The following DDX21 variants were observed in gnomAD, a reference collection of about 807,000 sequenced individuals.
DDX21 encodes DExD-box helicase 21.
DDX21 carries 18 observed loss-of-function variants against 90.0 expected under a neutral mutation model. That is an observed-to-expected ratio of 0.20 (90% CI 0.14 to 0.30). The LOEUF is 0.30. Ranked by LOEUF, DDX21 falls within the 10% of genes least tolerant of loss-of-function variation. The pLI is 1.00. For synonymous variants in DDX21, 294 were observed against 318.0 expected, an observed-to-expected ratio of 0.92 and a Z score of 0.80; for missense variants, 673 against 944.5, an observed-to-expected ratio of 0.71 and a Z score of 3.77.
At chr10:68,973,199 GA>G (rs550091312) in intron 9 of DDX21, among the ~76,000 whole-genome samples, 2 of 142,930 alleles carry the variant, frequency 1.4e-5, no homozygotes, top group African/African-American at 2.6e-5. Context: ...TGTCTCAAAA[GA>G]AAAAAAAAAG....
intron 4 of DDX21, among the ~76,000 whole-genome samples, chr10:68,965,113 C>T (rs1447060154): frequency 6.6e-6 from 1 of 152,142 alleles, no homozygotes; most frequent in Non-Finnish European, 1.5e-5. Flanking sequence ...AGGCTCTGCT[C>T]CTTCTTAGCC....
rs1228585765 is a variant in DDX21, at chr10:68,984,446, T to A, written c.*1634T>A. ...TTGCCCTCTGGTCTCAGAATTCTCT[T>A]GGCTTTTATTCCTTGATCCACTTGC... is the stretch of plus-strand genomic sequence containing the variant. On this transcript the variant is annotated 3_prime_UTR_variant, in exon 15 of 15. Transcript: ENST00000354185. 1 of 152,228 alleles carries A rather than the reference T, an allele frequency of 6.6e-6. No homozygotes were observed. The allele number at this position is 152,228 out of a possible 1,614,324, so 9.4% of individuals were successfully genotyped here.
At position 68,983,105 on chromosome 10, in the gene DDX21, T is replaced by C; in HGVS notation, c.*293T>C. ...ATTAGAAGATAAAATCAAGCATGTA[T>C]CTGCCTATACTTTGTGAGTTCACCT... is the stretch of plus-strand genomic sequence containing the variant. On this transcript the variant is annotated 3_prime_UTR_variant, in exon 15 of 15. Transcript: ENST00000354185. The C allele has an allele frequency of 2.5e-6, 1 of 397,542 alleles. No individual in the cohort carries two copies. Among genetic ancestry groups the C allele is most frequent in the Non-Finnish European group, 4.6e-6 (1 of 216,250 alleles). 24.6% of individuals were successfully genotyped at this position (397,542 alleles called of 1,614,324 possible).
At chr10:68,968,071 G>A (rs1194496921) in intron 6 of DDX21, among the ~76,000 whole-genome samples, 1 of 151,792 alleles carries the variant, frequency 6.6e-6, no homozygotes, top group African/African-American at 2.4e-5. Context: ...TGTAGAGCTG[G>A]GTTTCACCAT....
At chr10:68,964,211 C>A in intron 4 of DDX21, 2 of 326,698 alleles carry the variant, frequency 6.1e-6, no homozygotes, top group South Asian at 2.4e-5. Flanking sequence ...TTCTAGAGAA[C>A]TTGACATTTA....
Position 68,956,450 on chromosome 10 carries a change from G to T in DDX21, c.87+138G>T, listed in dbSNP as rs980759947. ...CCAGACACCGGGCGTGGGTCTTGGC[G>T]GGCGGTCGCCCAGGAGTGGTGCGCT... On this transcript the variant is annotated intron_variant, in intron 1 of 14. Transcript: ENST00000354185. The T allele has an allele frequency of 1.8e-5, 27 of 1,485,300 alleles. No individual in the cohort carries two copies. The East Asian group carries it at 6.2e-4, about 34-fold the overall frequency. The allele number at this position is 1,485,300 out of a possible 1,614,324, so 92.0% of individuals were successfully genotyped here.
In DDX21 at chr10:68,984,460, T is replaced by C. The variant is rs574583289; in HGVS notation, c.*1648T>C. The C allele has an allele frequency of 6.6e-6, 1 of 152,358 alleles. No individual in the cohort carries two copies. The highest frequency in any genetic ancestry group is 1.9e-4 in the East Asian group (1 of 5,192). 9.4% of individuals were successfully genotyped at this position (152,358 alleles called of 1,614,324 possible). On this transcript the variant is annotated 3_prime_UTR_variant, in exon 15 of 15. Coordinates refer to ENST00000354185, the MANE Select transcript of DDX21 (RefSeq NM_004728.4). Reference sequence around the variant, plus strand: ...CAGAATTCTCTTGGCTTTTATTCCTTGATCCACTTGCCAGTTTTATCACTT... The same window carrying C: ...CAGAATTCTCTTGGCTTTTATTCCTCGATCCACTTGCCAGTTTTATCACTT...
chr10:68,974,346 A>T (rs547300188), intron 10 of DDX21, among the ~76,000 whole-genome samples: 1 of 152,176 alleles, frequency 6.6e-6, no homozygotes, highest in East Asian at 1.9e-4. Context: ...GTTGACCAGC[A>T]CTCCTTAAAA....
chr10:68,977,507 C>T, intron 11 of DDX21, 22 bp from the exon 12 acceptor site: 1 of 1,587,160 alleles, frequency 6.3e-7, no homozygotes, highest in Non-Finnish European at 8.6e-7. Flanking sequence ...ATCCTTTCTC[C>T]TAACACACTC....
At chr10:68,969,588 G>A (rs1386647447) in intron 7 of DDX21, among the ~76,000 whole-genome samples, 1 of 152,136 alleles carries the variant, frequency 6.6e-6, no homozygotes, top group Non-Finnish European at 1.5e-5. Context: ...CGATATCTGT[G>A]TTTTTAAAAT....
chr10:68,959,138 T>C (rs1842839497), intron 1 of DDX21, among the ~76,000 whole-genome samples: 1 of 152,218 alleles, frequency 6.6e-6, no homozygotes. Context: ...GAATTTGGAC[T>C]TTTTATAGTA....
chr10:68,969,930 C>T (rs191366915), intron 7 of DDX21, among the ~76,000 whole-genome samples: 1 of 152,230 alleles, frequency 6.6e-6, no homozygotes, highest in Admixed American at 6.5e-5. Flanking sequence ...CCTGCATTTT[C>T]CTGGTTGTCA....
chr10:68,959,363 G>A (rs1040773590), intron 1 of DDX21, among the ~76,000 whole-genome samples: 1 of 152,138 alleles, frequency 6.6e-6, no homozygotes, highest in African/African-American at 2.4e-5. Flanking sequence ...GTGTGGTGGT[G>A]GGCGCCTGTA....
intron 13 of DDX21, among the ~76,000 whole-genome samples, chr10:68,980,267 A>C (rs1052263014): frequency 3.9e-5 from 6 of 152,118 alleles, no homozygotes; most frequent in African/African-American, 1.4e-4. Context: ...ATATATATAA[A>C]TCTTTTCCTC....
At position 68,963,463 on chromosome 10, in the gene DDX21, C is replaced by T. The variant is rs1271949032; in HGVS notation, c.780C>T (p.Ala260=). ...TGCAAGACAGGAAGAGAGGCCGTGCCCCTCAGGTAACTGTCTTAAATACAA... is the reference window on the plus strand; with the variant it reads ...TGCAAGACAGGAAGAGAGGCCGTGCTCCTCAGGTAACTGTCTTAAATACAA... The part of the protein sequence containing the change: ...GELQDRKRGR[A]PQVLVLAPTR... Residue 260 remains alanine (A), a synonymous_variant, in exon 4 of 15, where the codon GCC becomes GCT. Coordinates refer to ENST00000354185, the MANE Select transcript of DDX21 (RefSeq NM_004728.4). 1.2e-6 allele frequency: 2 copies of T among 1,609,336 alleles called. No homozygotes were observed. Among genetic ancestry groups the T allele is most frequent in the East Asian group, 4.5e-5 (2 of 44,856 alleles).
Position 68,982,808 on chromosome 10 carries a change from A to G in DDX21, c.2348A>G (p.Gln783Arg). 2 of 1,613,698 alleles carry G rather than the reference A, an allele frequency of 1.2e-6. No homozygotes were observed. Among genetic ancestry groups the G allele is most frequent in the Non-Finnish European group, 1.7e-6 (2 of 1,179,764 alleles). ...CGGAGTTTCAGTAAAGCATTTGGTC[A>G]ATAATTAGAAATAGAAGATTTATAT... The part of the protein sequence containing the change: ...QKRSFSKAFG[Q>R] Residue 783 changes from glutamine to arginine, a missense_variant, in exon 15 of 15, where the codon CAA becomes CGA. Around this residue, in one of 4 missense-constraint regions of DDX21, gnomAD observed 225 missense variants for 298.8 expected, o/e 0.75. Coordinates refer to ENST00000354185, the MANE Select transcript of DDX21 (RefSeq NM_004728.4).
In DDX21 at chr10:68,956,178, C is replaced by A; in HGVS notation, c.-48C>A. On this transcript the variant is annotated 5_prime_UTR_variant, in exon 1 of 15. Coordinates refer to ENST00000354185, the MANE Select transcript of DDX21 (RefSeq NM_004728.4). ...CCAGGGTGGGGAACTACCTCTTCCT[C>A]TCCACGCGGTTGAGAAGACCGGTCG... The A allele has an allele frequency of 6.3e-7, 1 of 1,599,086 alleles. No individual in the cohort carries two copies. The highest frequency in any genetic ancestry group is 8.6e-7 in the Non-Finnish European group (1 of 1,169,188).
rs1842848906 is a variant in DDX21, at chr10:68,959,792, T to C, written c.88-14T>C. The C allele has an allele frequency of 1.3e-6, 2 of 1,516,576 alleles. No individual in the cohort carries two copies. Among genetic ancestry groups the C allele is most frequent in the Non-Finnish European group, 1.8e-6 (2 of 1,138,632 alleles). The allele number at this position is 1,516,576 out of a possible 1,614,324, so 93.9% of individuals were successfully genotyped here. A position where few individuals can be genotyped will look rare whatever the true frequency, so the allele number is the denominator to read the frequency against. On this transcript the variant is annotated splice_polypyrimidine_tract_variant and intron_variant, in intron 1 of 14. Transcript: ENST00000354185. Reference sequence around the variant, plus strand: ...TTATTCAGTGTTTGTATTTTCCTTATGAATTTTTTTTAGAAAGAGAAAAAA... The same window carrying C: ...TTATTCAGTGTTTGTATTTTCCTTACGAATTTTTTTTAGAAAGAGAAAAAA...
chr10:68,970,399 T>G, intron 8 of DDX21, 49 bp downstream of exon 8: 1 of 1,568,728 alleles, frequency 6.4e-7, no homozygotes, highest in Non-Finnish European at 8.7e-7. Flanking sequence ...CAACAAATCT[T>G]CACCTTGGGC....
Sources: gnomAD v4.1 joint callset for allele counts (sites outside exome capture counted in the v4.1 genomes callset) on GRCh38, gnomAD v4.1.1 for gene constraint, gnomAD v4.1.1 regional missense constraint, MANE v1.5 for transcripts, NCBI Gene and HGNC (gene_info 2026-07-23, HGNC 2026-07-21) for gene names.